Variants in DNAJC24 observed in about 807,000 individuals in gnomAD.
The protein encoded by DNAJC24 is dnaJ homolog subfamily C member 24.
DNAJC24 carries 17 observed loss-of-function variants against 18.0 expected under a neutral mutation model. The ratio of observed to expected loss-of-function variants is 0.94; its 90% confidence interval spans 0.65 to 1.42. DNAJC24 has a LOEUF of 1.42. Among genes scored for constraint, DNAJC24 ranks in the 40% most tolerant of loss-of-function variants. The probability of loss-of-function intolerance (pLI) is 0.00; values close to 1 mark genes in which losing one functional copy is unlikely to be tolerated. For synonymous variants in DNAJC24, 55 were observed against 57.7 expected (o/e 0.95, Z 0.21); for missense variants, 158 against 175.6 (o/e 0.90, Z 0.57).
At chr11:31,412,985 C>G (rs951282172) in intron 2 of DNAJC24, among the ~76,000 whole-genome samples, 1 of 152,126 alleles carries the variant, frequency 6.6e-6, no homozygotes, top group Non-Finnish European at 1.5e-5. Flanking sequence ...GAAGTCATTT[C>G]GCTTCATGGT....
At chr11:31,403,235 C>T (rs1427334295) in intron 2 of DNAJC24, among the ~76,000 whole-genome samples, 1 of 151,514 alleles carries the variant, frequency 6.6e-6, no homozygotes, top group African/African-American at 2.4e-5. Context: ...TTGGGTCTGC[C>T]CATCAGGTTC....
At chr11:31,411,071 A>T (rs903259561) in intron 2 of DNAJC24, among the ~76,000 whole-genome samples, 2 of 152,198 alleles carry the variant, frequency 1.3e-5, no homozygotes, top group Admixed American at 6.5e-5. Context: ...AAGAAAAAAA[A>T]TAAGACTTGA....
chr11:31,393,382 A>G (rs1290361567), intron 2 of DNAJC24, among the ~76,000 whole-genome samples: 2 of 152,310 alleles, frequency 1.3e-5, no homozygotes, highest in African/African-American at 4.8e-5. Context: ...CTCTAAAAGC[A>G]GGCAAGGTGT....
At chr11:31,391,375 G>A (rs1308516827) in intron 2 of DNAJC24, among the ~76,000 whole-genome samples, 1 of 152,008 alleles carries the variant, frequency 6.6e-6, no homozygotes, top group Non-Finnish European at 1.5e-5. Flanking sequence ...ATCTGACAAG[G>A]GGTTAATAAC....
intron 2 of DNAJC24, among the ~76,000 whole-genome samples, chr11:31,389,829 A>G (rs1029357049): frequency 1.3e-5 from 2 of 152,270 alleles, no homozygotes; most frequent in Admixed American, 1.3e-4. Context: ...GCCACAATGG[A>G]GTAAAACTAG....
chr11:31,425,848 G>A (rs1952855770), intron 3 of DNAJC24, among the ~76,000 whole-genome samples: 1 of 152,252 alleles, frequency 6.6e-6, no homozygotes, highest in Middle Eastern at 3.4e-3. Context: ...TACACCTAAT[G>A]TTAGAAAGTT....
chr11:31,403,125 A>ATGTGTGTGTGTGTGTGTG (rs3979423), intron 2 of DNAJC24, among the ~76,000 whole-genome samples: 1 of 146,564 alleles, frequency 6.8e-6, no homozygotes, highest in African/African-American at 2.5e-5. Context: ...GCATATATGC[A>ATGTGTGTGTGTGTGTGTG]TGTGTGTGTG....
chr11:31,417,419 T>G (rs1221031316), intron 3 of DNAJC24: 1 of 152,096 alleles, frequency 6.6e-6, no homozygotes, highest in Non-Finnish European at 1.5e-5. Context: ...GGAAATGAAC[T>G]TGAACATCTC....
intron 2 of DNAJC24, among the ~76,000 whole-genome samples, chr11:31,414,556 T>C (rs1952736770): frequency 6.6e-6 from 1 of 152,178 alleles, no homozygotes; most frequent in African/African-American, 2.4e-5. Context: ...AAGGATTCCA[T>C]GAACAAATTA....
intron 2 of DNAJC24, among the ~76,000 whole-genome samples, chr11:31,379,507 CTTAAT>C (rs1952354193): frequency 6.6e-6 from 1 of 152,100 alleles, no homozygotes; most frequent in Non-Finnish European, 1.5e-5. Context: ...GAATTTTTTT[CTTAAT>C]TTAACATACT....
chr11:31,379,770 T>C (rs1448869843), intron 2 of DNAJC24, among the ~76,000 whole-genome samples: 1 of 152,072 alleles, frequency 6.6e-6, no homozygotes, highest in Non-Finnish European at 1.5e-5. Context: ...TTTTTTTTTT[T>C]CTTTTGAGAC....
intron 3 of DNAJC24, chr11:31,422,009 C>G (rs1225691458): frequency 2.3e-6 from 1 of 436,080 alleles, no homozygotes; most frequent in Non-Finnish European, 4.6e-6. Context: ...CCAGTGTTTT[C>G]TTAGATCCCA....
At chr11:31,423,910 A>G (rs889786295) in intron 3 of DNAJC24, among the ~76,000 whole-genome samples, 1 of 152,168 alleles carries the variant, frequency 6.6e-6, no homozygotes, top group African/African-American at 2.4e-5. Flanking sequence ...TAATTTTTCA[A>G]CCAAGAAATA....
intron 2 of DNAJC24, among the ~76,000 whole-genome samples, chr11:31,408,830 T>G (rs2133492872): frequency 6.6e-6 from 1 of 152,270 alleles, no homozygotes; most frequent in African/African-American, 2.4e-5. Context: ...GATCATACAG[T>G]TATAGGTGTG....
intron 2 of DNAJC24, among the ~76,000 whole-genome samples, chr11:31,407,909 T>TAA (rs913805166): frequency 6.9e-6 from 1 of 145,214 alleles, no homozygotes; most frequent in Admixed American, 6.9e-5. Flanking sequence ...GCCCCTCTCT[T>TAA]AAAAAAAAAA....
At position 31,430,365 on chromosome 11, in the gene DNAJC24, A is replaced by G; in HGVS notation, c.414A>G (p.Thr138=). The change falls in exon 5 of 5, where the codon ACA becomes ACG. Residue 138 remains threonine (T), a synonymous_variant. Transcript: ENST00000465995. ...AAGTTAGCCTGATTTCTTGTGATACATGTTCACTAATTATAGAACTCCTTC... is the reference window on the plus strand; with the variant it reads ...AAGTTAGCCTGATTTCTTGTGATACGTGTTCACTAATTATAGAACTCCTTC... ...AEEVSLISCD[T]CSLIIELLHY... 6.2e-7 allele frequency: 1 copy of G among 1,608,220 alleles called. No homozygotes were observed. The highest frequency in any genetic ancestry group is 8.5e-7 in the Non-Finnish European group (1 of 1,176,042).
intron 2 of DNAJC24, among the ~76,000 whole-genome samples, chr11:31,376,549 T>C (rs1005395559): frequency 6.6e-6 from 1 of 152,216 alleles, no homozygotes; most frequent in Non-Finnish European, 1.5e-5. Context: ...TTCTGTAAGA[T>C]AGGCTTTGTT....
rs1328485637 is a variant in DNAJC24, at chr11:31,432,797, TA to T, written c.*2397del. On this transcript the variant is annotated 3_prime_UTR_variant, in exon 5 of 5. Coordinates refer to ENST00000465995, the MANE Select transcript of DNAJC24 (RefSeq NM_181706.5). Reference sequence around the variant, plus strand: ...GACATTCAAACAATGTACATGAAATTATATGTGTGTGGTGTGTGAATAAATA... The same window carrying T: ...GACATTCAAACAATGTACATGAAATTTATGTGTGTGGTGTGTGAATAAATA... Among the ~76,000 whole-genome samples the T allele has an allele frequency of 6.6e-6, 1 of 152,172 alleles. No homozygotes were observed. Among genetic ancestry groups the T allele is most frequent in the Non-Finnish European group, 1.5e-5 (1 of 68,008 alleles).
chr11:31,398,749 A>G (rs1206386781), intron 2 of DNAJC24, among the ~76,000 whole-genome samples: 1 of 152,214 alleles, frequency 6.6e-6, no homozygotes, highest in East Asian at 1.9e-4. Context: ...TTGACAGAAC[A>G]CACTACTTAA....
Sources: allele counts gnomAD v4.1 joint callset (sites outside exome capture counted in the v4.1 genomes callset), GRCh38; gene constraint gnomAD v4.1.1; transcripts MANE v1.5; gene names NCBI Gene and HGNC (gene_info 2026-07-23, HGNC 2026-07-21).